Variants in KDM1B observed in about 807,000 individuals in gnomAD.
KDM1B encodes the protein lysine demethylase 1B, also known as lysine-specific histone demethylase 2.
KDM1B carries 63 observed loss-of-function variants against 107.4 expected under a neutral mutation model. That is an observed-to-expected ratio of 0.59 (90% CI 0.48 to 0.72). The LOEUF is 0.72. Ranked by LOEUF, KDM1B falls within the 30% of genes least tolerant of loss-of-function variation. KDM1B has a pLI of 0.00. For missense variants in KDM1B, 749 were observed against 1,020.8 expected, an observed-to-expected ratio of 0.73 and a Z score of 3.63; for synonymous variants, 363 against 363.9, an observed-to-expected ratio of 1.00 and a Z score of 0.03.
intron 21 of KDM1B, among the ~76,000 whole-genome samples, chr6:18,220,378 G>C (rs111585460): frequency 6.6e-6 from 1 of 152,048 alleles, no homozygotes; most frequent in Non-Finnish European, 1.5e-5. Context: ...GTGAAACCCC[G>C]TCACTACTAA....
chr6:18,220,127 C>A (rs1444584613), intron 21 of KDM1B, among the ~76,000 whole-genome samples: 1 of 152,202 alleles, frequency 6.6e-6, no homozygotes, highest in Non-Finnish European at 1.5e-5. Flanking sequence ...TTTGTTAAAA[C>A]CCCTGCCCCC....
chr6:18,192,271 C>G (rs577405468), intron 10 of KDM1B, among the ~76,000 whole-genome samples: 1 of 152,110 alleles, frequency 6.6e-6, no homozygotes, highest in African/African-American at 2.4e-5. Context: ...CCAAAAAAAC[C>G]CACAGAGATT....
chr6:18,176,298 T>A (rs374590022), intron 7 of KDM1B, among the ~76,000 whole-genome samples: 9 of 152,304 alleles, frequency 5.9e-5, no homozygotes, highest in African/African-American at 1.9e-4. Context: ...CTGTGTACAT[T>A]AATCTTGTAT....
intron 7 of KDM1B, among the ~76,000 whole-genome samples, chr6:18,183,745 T>C (rs1786643526): frequency 6.6e-6 from 1 of 152,114 alleles, no homozygotes; most frequent in African/African-American, 2.4e-5. Context: ...TCCATGTTGA[T>C]GCATCTAAGA....
At chr6:18,168,738 C>T (rs541746290) in intron 6 of KDM1B, among the ~76,000 whole-genome samples, 48 of 152,294 alleles carry the variant, frequency 3.2e-4, no homozygotes, top group African/African-American at 1.1e-3. Flanking sequence ...TCTGATTTTT[C>T]CACGGGTTTG....
chr6:18,220,794 T>TG (rs1410584944), intron 21 of KDM1B, among the ~76,000 whole-genome samples: 4 of 150,838 alleles, frequency 2.7e-5, no homozygotes, highest in Non-Finnish European at 4.4e-5. Context: ...TTTTTTGAGA[T>TG]GGAGTCTCGC....
In KDM1B at chr6:18,205,760, G is replaced by C. The variant is rs566320184; in HGVS notation, c.1659+96G>C. On this transcript the variant is annotated intron_variant, in intron 15 of 21. Transcript: ENST00000650836. The surrounding 1 kb of genome is among the most constrained non-coding windows in gnomAD (Gnocchi z 5.7). ...TGTAATCCCAGCACTTTGGGAGGCC[G>C]AGGTGGGCAGATCATGAGGTCAGGA... is the stretch of plus-strand genomic sequence containing the variant. The C allele has an allele frequency of 2.6e-6, 3 of 1,172,042 alleles. No homozygotes were observed. The Admixed American group carries it at 1.1e-4, about 43-fold the overall frequency. The allele number at this position is 1,172,042 out of a possible 1,614,324, so 72.6% of individuals were successfully genotyped here.
intron 7 of KDM1B, among the ~76,000 whole-genome samples, chr6:18,184,273 C>CTTCTTTTTTT (rs1554144142): frequency 8.6e-6 from 1 of 116,672 alleles, no homozygotes; most frequent in Non-Finnish European, 1.7e-5. Flanking sequence ...GTTCTAGCTT[C>CTTCTTTTTTT]TTTTTTTTTT....
At chr6:18,166,501 C>G (rs1714569884) in intron 6 of KDM1B, 123 bp downstream of exon 6, 3 of 623,090 alleles carry the variant, frequency 4.8e-6, no homozygotes, top group Non-Finnish European at 8.8e-6. Flanking sequence ...ACTATTAAAG[C>G]AAATATTTTT....
At chr6:18,210,783 G>A (rs938773698) in intron 17 of KDM1B, among the ~76,000 whole-genome samples, 1 of 152,130 alleles carries the variant, frequency 6.6e-6, no homozygotes, top group Non-Finnish European at 1.5e-5. Context: ...AAGATGGCTT[G>A]AGGCCAGGAG....
At chr6:18,161,181 A>G in intron 3 of KDM1B, 146 bp from the exon 4 acceptor site, 1 of 634,600 alleles carries the variant, frequency 1.6e-6, no homozygotes, top group Non-Finnish European at 2.8e-6. Context: ...TCACCAGGAA[A>G]TTGCTGTATT....
intron 21 of KDM1B, 89 bp from the exon 22 acceptor site, chr6:18,221,820 T>G: frequency 9.6e-7 from 1 of 1,040,666 alleles, no homozygotes; most frequent in East Asian, 2.4e-5. Flanking sequence ...AATCTTTATG[T>G]TAGACCAGAT....
chr6:18,185,242 T>A (rs1053558342), intron 7 of KDM1B, among the ~76,000 whole-genome samples: 1 of 152,118 alleles, frequency 6.6e-6, no homozygotes, highest in Non-Finnish European at 1.5e-5. Context: ...GGTTGTTATA[T>A]GCCTTTATTT....
chr6:18,168,740 A>G (rs1232624338), intron 6 of KDM1B, among the ~76,000 whole-genome samples: 1 of 152,102 alleles, frequency 6.6e-6, no homozygotes, highest in East Asian at 1.9e-4. Flanking sequence ...TGATTTTTCC[A>G]CGGGTTTGAA....
intron 6 of KDM1B, among the ~76,000 whole-genome samples, 167 bp from the exon 7 acceptor site, chr6:18,171,196 T>C (rs1344074295): frequency 1.3e-5 from 2 of 152,188 alleles, no homozygotes; most frequent in Non-Finnish European, 2.9e-5. Flanking sequence ...AATCAGAAAT[T>C]ATCCTAATGG....
chr6:18,208,897 G>C (rs214592), intron 17 of KDM1B, among the ~76,000 whole-genome samples: 3 of 149,112 alleles, frequency 2.0e-5, no homozygotes, highest in Non-Finnish European at 4.4e-5. Flanking sequence ...CTCATGATCC[G>C]CCCGCCTCGG....
At chr6:18,164,950 G>GGA (rs1254426609) in intron 5 of KDM1B, among the ~76,000 whole-genome samples, 2 of 151,624 alleles carry the variant, frequency 1.3e-5, no homozygotes, top group African/African-American at 4.8e-5. Context: ...CCGGCCTAGA[G>GGA]GAGATTTCTC....
At chr6:18,179,292 T>A (rs552997722) in intron 7 of KDM1B, among the ~76,000 whole-genome samples, 1 of 152,346 alleles carries the variant, frequency 6.6e-6, no homozygotes, top group Non-Finnish European at 1.5e-5. Context: ...TATTCCCAGA[T>A]TTGATTAAAT....
intron 7 of KDM1B, among the ~76,000 whole-genome samples, chr6:18,183,371 G>A (rs549166926): frequency 1.4e-4 from 20 of 139,654 alleles, no homozygotes; most frequent in African/African-American, 5.1e-4. Context: ...AGGTTCAAAC[G>A]ATTCTCCTGC....
Sources: allele counts gnomAD v4.1 joint callset (sites outside exome capture counted in the v4.1 genomes callset), GRCh38; gene constraint gnomAD v4.1.1; non-coding constraint Gnocchi (gnomAD v3.1); transcripts MANE v1.5; gene names NCBI Gene and HGNC (gene_info 2026-07-23, HGNC 2026-07-21).